SP4: variants seen among roughly 807,000 people sequenced by gnomAD.
The protein encoded by SP4 is Sp4 transcription factor.
SP4 carries 19 observed loss-of-function variants against 72.8 expected under a neutral mutation model. That is an observed-to-expected ratio of 0.26 (90% CI 0.18 to 0.38). The LOEUF (loss-of-function observed/expected upper bound fraction) is 0.38. Among genes scored for constraint, SP4 ranks in the 10% least tolerant of loss-of-function variants. The probability of loss-of-function intolerance (pLI) is 1.00; values close to 1 mark genes in which losing one functional copy is unlikely to be tolerated. For missense variants in SP4, 1,008 were observed against 926.3 expected (o/e 1.09, Z -1.14); for synonymous variants, 395 against 333.1 (o/e 1.19, Z -2.02).
chr7:21,484,665 T>A (rs543852341), intron 5 of SP4, among the ~76,000 whole-genome samples: 1 of 152,040 alleles, frequency 6.6e-6, no homozygotes, highest in East Asian at 1.9e-4. Context: ...TATTTAGGTC[T>A]GCATGAAAGG....
chr7:21,505,327 G>C (rs192229097), intron 5 of SP4, among the ~76,000 whole-genome samples: 2 of 152,018 alleles, frequency 1.3e-5, no homozygotes, highest in African/African-American at 4.8e-5. Flanking sequence ...TTAGATACTC[G>C]CAATCCCCTT....
Position 21,429,950 on chromosome 7 carries a change from G to C in SP4, c.785G>C (p.Gly262Ala). ...GTAACAACCCTACCAATTAACATTG[G>C]AGGAGTGACTCTAGCTTTGCCAGTG... The part of the protein sequence containing the change: ...QVVTTLPINI[G>A]GVTLALPVIN... The change falls in exon 3 of 6, where the codon GGA (glycine) becomes GCA (alanine). Residue 262 changes from glycine (G) to alanine (A), a missense_variant. By Grantham distance (60) the Gly-to-Ala change is moderately conservative. This residue lies in a region of SP4 where 893 missense variants were observed against 743.3 expected (regional missense o/e 1.20). Coordinates refer to ENST00000222584, the MANE Select transcript of SP4 (RefSeq NM_003112.5). The C allele has an allele frequency of 6.2e-7, 1 of 1,614,184 alleles. No individual in the cohort carries two copies. Among genetic ancestry groups the C allele is most frequent in the African/African-American group, 1.3e-5 (1 of 75,038 alleles).
At chr7:21,491,042 TA>T (rs774109893) in intron 5 of SP4, among the ~76,000 whole-genome samples, 7 of 152,316 alleles carry the variant, frequency 4.6e-5, no homozygotes, top group Admixed American at 3.3e-4. Context: ...ATGAGCCACG[TA>T]AAGCTGACTT....
intron 3 of SP4, among the ~76,000 whole-genome samples, chr7:21,433,618 T>C (rs903123887): frequency 4.6e-5 from 7 of 152,200 alleles, no homozygotes; most frequent in Non-Finnish European, 1.0e-4. Context: ...TTTGTTTTCA[T>C]TAATTTCTTT....
At chr7:21,457,748 C>T (rs922919914) in intron 3 of SP4, among the ~76,000 whole-genome samples, 2 of 151,784 alleles carry the variant, frequency 1.3e-5, no homozygotes, top group Admixed American at 6.6e-5. Flanking sequence ...GACCATGACC[C>T]ACTGTTATTT....
intron 3 of SP4, among the ~76,000 whole-genome samples, chr7:21,441,409 T>A (rs1378759683): frequency 1.3e-5 from 2 of 152,178 alleles, no homozygotes; most frequent in African/African-American, 4.8e-5. Flanking sequence ...TAGCTCAGGG[T>A]TTGCCAACCA....
chr7:21,485,065 A>G (rs184812057), intron 5 of SP4, among the ~76,000 whole-genome samples: 1 of 152,060 alleles, frequency 6.6e-6, no homozygotes, highest in East Asian at 1.9e-4. Context: ...AAATATTAAT[A>G]TCAGTATACT....
chr7:21,436,858 C>G (rs1347370696), intron 3 of SP4, among the ~76,000 whole-genome samples: 2 of 152,148 alleles, frequency 1.3e-5, no homozygotes, highest in Non-Finnish European at 2.9e-5. Context: ...TTTCTCCCAC[C>G]TTCTTTCCTT....
chr7:21,451,590 A>G (rs760960465), intron 3 of SP4, among the ~76,000 whole-genome samples: 5 of 152,082 alleles, frequency 3.3e-5, no homozygotes, highest in Non-Finnish European at 4.4e-5. Flanking sequence ...CTGTGGGTTG[A>G]TGAAAGCTGA....
At chr7:21,498,041 C>T (rs1246131169) in intron 5 of SP4, among the ~76,000 whole-genome samples, 1 of 151,986 alleles carries the variant, frequency 6.6e-6, no homozygotes, top group Non-Finnish European at 1.5e-5. Context: ...CCTCGCCTTA[C>T]TCTCAGTTTT....
Position 21,429,694 on chromosome 7 carries a change from C to G in SP4, c.529C>G (p.Gln177Glu). Reference sequence around the variant, plus strand: ...TCCACAACTTCAGACAGTGGAAGGTCAACAAATTCAAATCAATCCAACTAG... The same window carrying G: ...TCCACAACTTCAGACAGTGGAAGGTGAACAAATTCAAATCAATCCAACTAG... ...VIPQLQTVEG[Q>E]QIQINPTSSS... is the part of the protein sequence containing the mutation. Residue 177 changes from glutamine (Q) to glutamate (E), a missense_variant, in exon 3 of 6, where the codon CAA becomes GAA. Physicochemically the swap from Gln to Glu is conservative, Grantham distance 29 (BLOSUM62 2). Coordinates refer to ENST00000222584, the MANE Select transcript of SP4 (RefSeq NM_003112.5). 6.2e-7 allele frequency: 1 copy of G among 1,614,126 alleles called. No individual in the cohort carries two copies. The highest frequency in any genetic ancestry group is 8.5e-7 in the Non-Finnish European group (1 of 1,180,022).
At position 21,513,812 on chromosome 7, in the gene SP4, A is replaced by C. The variant is rs546762094; in HGVS notation, c.*2543A>C. 5.3e-5 allele frequency: 8 copies of C among 151,464 alleles called. No individual in the cohort carries two copies. Among genetic ancestry groups the C allele is most frequent in the African/African-American group, 2.0e-4 (8 of 40,822 alleles). 9.4% of individuals were successfully genotyped at this position (151,464 alleles called of 1,614,324 possible). Reference sequence around the variant, plus strand: ...TAGATAGCTTTATAGCATATAAAATATGTTAATTTGTGTTAGCAGGTGCAC... The same window carrying C: ...TAGATAGCTTTATAGCATATAAAATCTGTTAATTTGTGTTAGCAGGTGCAC... On this transcript the variant is annotated 3_prime_UTR_variant, in exon 6 of 6. Transcript: ENST00000222584.
chr7:21,428,188 G>GCCCCCCCCCCCCCCCCCCCCCCCCCC lies in SP4; in HGVS notation c.-59_-58insCCCCCCCCCCCCCCCCCCCCCCCCCC. ...CGGGACCGGCCTCTCCTCCCGCCTC[G>GCCCCCCCCCCCCCCCCCCCCCCCCCC]CCCCCACCCCCACCCACCTCTATCC... On this transcript the variant is annotated 5_prime_UTR_variant, in exon 1 of 6. Coordinates refer to ENST00000222584, the MANE Select transcript of SP4 (RefSeq NM_003112.5). 1 of 371,886 alleles carries GCCCCCCCCCCCCCCCCCCCCCCCCCC rather than the reference G, an allele frequency of 2.7e-6. No homozygotes were observed. The highest frequency in any genetic ancestry group is 6.6e-5 in the East Asian group (1 of 15,052). The allele number at this position is 371,886 out of a possible 1,614,324, so 23.0% of individuals were successfully genotyped here.
At chr7:21,488,246 T>A (rs1411373321) in intron 5 of SP4, among the ~76,000 whole-genome samples, 1 of 152,192 alleles carries the variant, frequency 6.6e-6, no homozygotes, top group Non-Finnish European at 1.5e-5. Context: ...TACAATAATA[T>A]GCTGTGCAAC....
At chr7:21,466,386 A>G (rs74818806) in intron 3 of SP4, among the ~76,000 whole-genome samples, 1 of 152,100 alleles carries the variant, frequency 6.6e-6, no homozygotes, top group Non-Finnish European at 1.5e-5. Flanking sequence ...ATTCCTCTTG[A>G]GTGTTTATCA....
At chr7:21,495,849 G>A (rs1189168830) in intron 5 of SP4, among the ~76,000 whole-genome samples, 1 of 152,110 alleles carries the variant, frequency 6.6e-6, no homozygotes, top group Non-Finnish European at 1.5e-5. Flanking sequence ...AAAATTGGAA[G>A]TAACCCAAAT....
At chr7:21,505,391 C>T (rs1781967831) in intron 5 of SP4, among the ~76,000 whole-genome samples, 1 of 152,168 alleles carries the variant, frequency 6.6e-6, no homozygotes, top group South Asian at 2.1e-4. Flanking sequence ...CCTCCTCTCC[C>T]CAGAAATTAA....
chr7:21,429,685 G>A lies in SP4; in HGVS notation c.520G>A (p.Val174Met), dbSNP rs1211422679. ...CCAAGTAATTCCACAACTTCAGACA[G>A]TGGAAGGTCAACAAATTCAAATCAA... is the stretch of plus-strand genomic sequence containing the variant. ...QYQVIPQLQT[V>M]EGQQIQINPT... Residue 174 changes from valine to methionine, a missense_variant, in exon 3 of 6, where the codon GTG (valine) becomes ATG (methionine). This residue lies in a region of SP4 where 893 missense variants were observed against 743.3 expected (regional missense o/e 1.20). Coordinates refer to ENST00000222584, the MANE Select transcript of SP4 (RefSeq NM_003112.5). The A allele has an allele frequency of 6.2e-7, 1 of 1,614,166 alleles. No homozygotes were observed. Among genetic ancestry groups the A allele is most frequent in the Admixed American group, 1.7e-5 (1 of 60,026 alleles).
chr7:21,460,896 C>G (rs956562612), intron 3 of SP4, among the ~76,000 whole-genome samples: 1 of 151,514 alleles, frequency 6.6e-6, no homozygotes, highest in African/African-American at 2.4e-5. Flanking sequence ...CACAGAGTGC[C>G]GATTGGTGCA....
Sources: allele counts gnomAD v4.1 joint callset (sites outside exome capture counted in the v4.1 genomes callset), GRCh38; gene constraint gnomAD v4.1.1; regional missense constraint gnomAD v4.1.1; transcripts MANE v1.5; gene names NCBI Gene and HGNC (gene_info 2026-07-23, HGNC 2026-07-21).